PLEKHG1: variants seen among roughly 807,000 people sequenced by gnomAD.
PLEKHG1 encodes pleckstrin homology domain-containing family G member 1.
PLEKHG1 carries 44 observed loss-of-function variants against 100.8 expected under a neutral mutation model. The observed-to-expected ratio is 0.44, with a 90% CI of 0.34 to 0.56. PLEKHG1 has a LOEUF of 0.56. Ranked by LOEUF, PLEKHG1 falls within the 20% of genes least tolerant of loss-of-function variation. The pLI is 0.01. For missense variants in PLEKHG1, 1,545 were observed against 1,720.9 expected (o/e 0.90, Z 1.81); for synonymous variants, 640 against 662.5 (o/e 0.97, Z 0.52).
At chr6:150,709,997 AGGCTGGTGGGGATG>A (rs1781187696) in intron 3 of PLEKHG1, among the ~76,000 whole-genome samples, 1 of 152,148 alleles carries the variant, frequency 6.6e-6, no homozygotes, top group South Asian at 2.1e-4. Context: ...TCTGTTGCCC[AGGCTGGTGGGGATG>A]GTTTTTATTA....
intron 3 of PLEKHG1, 106 bp downstream of exon 4, chr6:150,768,844 A>G (rs746073716): frequency 2.9e-6 from 2 of 686,872 alleles, no homozygotes; most frequent in Admixed American, 2.5e-5. Flanking sequence ...TCAGCTTCAT[A>G]TATTTTTGTG....
In PLEKHG1 at chr6:150,834,849, C is replaced by T. The variant is rs564552139; in HGVS notation, c.3094+2644C>T. On this transcript the variant is annotated intron_variant, in intron 15 of 15. Transcript: ENST00000358517. Reference sequence around the variant, plus strand: ...TCCCTGCCATCTGGCAGAGGCACGTCCCTAGGACCTGATGAGTTATATCCA... The same window carrying T: ...TCCCTGCCATCTGGCAGAGGCACGTTCCTAGGACCTGATGAGTTATATCCA... 2.4e-4 allele frequency among the ~76,000 whole-genome samples: 37 copies of T among 152,326 alleles called. No individual in the cohort carries two copies. The East Asian group carries it at 7.0e-3, about 29-fold the overall frequency.
At chr6:150,606,304 G>T (rs893163227) in intron 1 of PLEKHG1, among the ~76,000 whole-genome samples, 1 of 152,038 alleles carries the variant, frequency 6.6e-6, no homozygotes, top group African/African-American at 2.4e-5. Context: ...CCATCTGAAG[G>T]GCAACAAAGG....
At chr6:150,791,127 C>G (rs1331796854) in intron 4 of PLEKHG1, among the ~76,000 whole-genome samples, 2 of 152,216 alleles carry the variant, frequency 1.3e-5, no homozygotes, top group Non-Finnish European at 2.9e-5. Flanking sequence ...CCTGCAGCAT[C>G]AGCGTCACTT....
intron 1 of PLEKHG1, among the ~76,000 whole-genome samples, chr6:150,619,103 C>A (rs1050791067): frequency 6.6e-6 from 1 of 152,110 alleles, no homozygotes; most frequent in Non-Finnish European, 1.5e-5. Context: ...AAAGAAAAAA[C>A]AGTTCAGACT....
intron 3 of PLEKHG1, among the ~76,000 whole-genome samples, chr6:150,696,945 T>C (rs1248963930): frequency 6.6e-6 from 1 of 151,778 alleles, no homozygotes; most frequent in Non-Finnish European, 1.5e-5. Flanking sequence ...CCATCTCTAC[T>C]AAAAATACAA....
chr6:150,831,519 C>T lies in PLEKHG1; in HGVS notation c.2408C>T (p.Thr803Ile), dbSNP rs1776929756. Reference sequence around the variant, plus strand: ...GACGAAGCCCCTTACCATCAGGCCACTCCCGATCATGGTTATCTGAGTTTG... The same window carrying T: ...GACGAAGCCCCTTACCATCAGGCCATTCCCGATCATGGTTATCTGAGTTTG... The change falls in exon 15 of 16, where the codon ACT (threonine) becomes ATT (isoleucine). Residue 803 changes from threonine to isoleucine, a missense_variant. Coordinates refer to ENST00000358517, the Ensembl canonical transcript of PLEKHG1. The surrounding 1 kb of genome is among the most constrained non-coding windows in gnomAD (Gnocchi z 4.1). 2 of 1,613,996 alleles carry T rather than the reference C, an allele frequency of 1.2e-6. No individual in the cohort carries two copies. The highest frequency in any genetic ancestry group is 1.1e-5 in the South Asian group (1 of 91,084).
intron 2 of PLEKHG1, among the ~76,000 whole-genome samples, chr6:150,736,478 A>G (rs1483355132): frequency 6.6e-6 from 1 of 152,202 alleles, no homozygotes; most frequent in East Asian, 1.9e-4. Context: ...CACAAAAATA[A>G]TCAGATTAGG....
At chr6:150,781,866 G>A (rs1274180374) in intron 3 of PLEKHG1, among the ~76,000 whole-genome samples, 1 of 151,450 alleles carries the variant, frequency 6.6e-6, no homozygotes, top group African/African-American at 2.4e-5. Context: ...CCACCTCCCG[G>A]GTTCACGCCA....
At chr6:150,615,220 C>T (rs1426088763) in intron 1 of PLEKHG1, among the ~76,000 whole-genome samples, 1 of 152,212 alleles carries the variant, frequency 6.6e-6, no homozygotes, top group Non-Finnish European at 1.5e-5. Flanking sequence ...TTGCTCTGTA[C>T]TTCCAGGACC....
chr6:150,644,851 T>A (rs1014726529), intron 2 of PLEKHG1, among the ~76,000 whole-genome samples: 3 of 152,188 alleles, frequency 2.0e-5, no homozygotes, highest in Non-Finnish European at 4.4e-5. Flanking sequence ...GAAGTTATTT[T>A]TTAAGGCTCT....
intron 10 of PLEKHG1, among the ~76,000 whole-genome samples, chr6:150,810,468 AAAAG>A (rs1192223943): frequency 9.2e-4 from 122 of 133,072 alleles, no homozygotes; most frequent in Admixed American, 8.0e-4. Flanking sequence ...TGTCTCAAAA[AAAAG>A]AAAGAAAGAA....
At position 150,683,316 on chromosome 6, in the gene PLEKHG1, T is replaced by C. The variant is rs932265169; in HGVS notation, c.-99+32530T>C. 1.3e-5 allele frequency among the ~76,000 whole-genome samples: 2 copies of C among 152,208 alleles called. No homozygotes were observed. The highest frequency in any genetic ancestry group is 2.9e-5 in the Non-Finnish European group (2 of 68,028). ...GGTCTTTAAACAGCCTTCAGGATGA[T>C]TCTGGTTTTCTAGATGTGTTTCCTT... is the stretch of plus-strand genomic sequence containing the variant. On this transcript the variant is annotated intron_variant, in intron 3 of 3. Transcript: ENST00000367326. This position sits in a 1 kb window ranked among gnomAD's most constrained non-coding sequence, Gnocchi z 4.0.
At chr6:150,626,153 G>C (rs575865452) in intron 1 of PLEKHG1, 2 of 145,022 alleles carry the variant, frequency 1.4e-5, no homozygotes, top group African/African-American at 5.0e-5. Flanking sequence ...ATTGTGGGGC[G>C]GGGGGCGGGG....
intron 3 of PLEKHG1, among the ~76,000 whole-genome samples, chr6:150,775,830 T>C (rs1181319036): frequency 6.6e-6 from 1 of 151,956 alleles, no homozygotes; most frequent in Non-Finnish European, 1.5e-5. Flanking sequence ...TTCTGCACAA[T>C]GGTAGAGATA....
intron 3 of PLEKHG1, among the ~76,000 whole-genome samples, chr6:150,776,969 G>A (rs534092492): frequency 1.1e-4 from 17 of 149,688 alleles, no homozygotes; most frequent in African/African-American, 1.5e-4. Flanking sequence ...GCACATGTGC[G>A]GCTGCACATC....
chr6:150,637,077 C>T (rs1778035773), intron 1 of PLEKHG1, among the ~76,000 whole-genome samples: 2 of 152,232 alleles, frequency 1.3e-5, no homozygotes. Context: ...CATGACCTCC[C>T]AATTAGCTAG....
intron 14 of PLEKHG1, among the ~76,000 whole-genome samples, chr6:150,827,363 C>T (rs9383851): frequency 0.082 from 12,433 of 151,592 alleles, 718 homozygotes; most frequent in East Asian, 0.26. Flanking sequence ...CTGCAACCTC[C>T]GCCTCCCGGG....
At chr6:150,614,184 T>C (rs759402787) in intron 1 of PLEKHG1, among the ~76,000 whole-genome samples, 4 of 152,184 alleles carry the variant, frequency 2.6e-5, no homozygotes, top group Non-Finnish European at 4.4e-5. Flanking sequence ...ATAGCTCTAA[T>C]GTTTATGAGT....
Sources: gnomAD v4.1 joint callset for allele counts (sites outside exome capture counted in the v4.1 genomes callset) on GRCh38, gnomAD v4.1.1 for gene constraint, Gnocchi (gnomAD v3.1) non-coding constraint, MANE v1.5 for transcripts, NCBI Gene and HGNC (gene_info 2026-07-23, HGNC 2026-07-21) for gene names.